Variants in PRR16 observed in about 807,000 individuals in gnomAD.
PRR16 encodes the protein proline rich 16.
In PRR16, 6 loss-of-function variants were observed where a neutral mutation model predicts 18.2. The observed-to-expected ratio is 0.33, with a 90% confidence interval of 0.18 to 0.65. PRR16 has a LOEUF of 0.65. Among genes scored for constraint, PRR16 ranks in the 30% least tolerant of loss-of-function variants. The pLI, the probability that PRR16 is intolerant of heterozygous loss-of-function variation, is 0.74. For missense variants in PRR16, 412 were observed against 376.6 expected, an observed-to-expected ratio of 1.09 and a Z score of -0.78; for synonymous variants, 151 against 147.8, an observed-to-expected ratio of 1.02 and a Z score of -0.16.
intron 1 of PRR16, among the ~76,000 whole-genome samples, chr5:120,541,303 G>T (rs1751906623): frequency 6.6e-6 from 1 of 152,060 alleles, no homozygotes; most frequent in South Asian, 2.1e-4. Context: ...ATGCCACCAT[G>T]CCCAGCTAAT....
rs771365914 is a variant in PRR16, at chr5:120,686,621, C to A, written c.827C>A (p.Pro276His). 1.2e-6 allele frequency: 2 copies of A among 1,611,270 alleles called. No individual in the cohort carries two copies. The highest frequency in any genetic ancestry group is 4.5e-5 in the East Asian group (2 of 44,860). ...GGAATAAGCCACAGTAACAGCTTCCCCCCTATCAGACCTGCAACTGTGCCT... is the reference window on the plus strand; with the variant it reads ...GGAATAAGCCACAGTAACAGCTTCCACCCTATCAGACCTGCAACTGTGCCT... Reference protein sequence around the residue: ...GMGISHSNSFPPIRPATVPPP... With the variant: ...GMGISHSNSFHPIRPATVPPP... Residue 276 changes from proline (P) to histidine (H), a missense_variant, in exon 2 of 2, where the codon CCC becomes CAC. Pro to His is a moderately conservative substitution (Grantham distance 77). Coordinates refer to ENST00000407149, the MANE Select transcript of PRR16 (RefSeq NM_001300783.2).
intron 1 of PRR16, among the ~76,000 whole-genome samples, chr5:120,679,421 C>A (rs1229829833): frequency 6.6e-6 from 1 of 152,032 alleles, no homozygotes; most frequent in African/African-American, 2.4e-5. Context: ...GTTACTATTT[C>A]TTTAGGTGCA....
chr5:120,765,118 A>ATAATTGTAAGAAGGAAGACAG, the PRR16 span, among the ~76,000 whole-genome samples: 20,818 of 151,980 alleles, frequency 0.14, 1,978 homozygotes, highest in African/African-American at 0.27. Context: ...ATAACACCAT[A>ATAATTGTAAGAAGGAAGACAG]AAAGAGAACA....
At chr5:120,651,155 G>T (rs572631996) in intron 1 of PRR16, among the ~76,000 whole-genome samples, 2 of 151,924 alleles carry the variant, frequency 1.3e-5, no homozygotes, top group East Asian at 1.9e-4. Context: ...CATATCCTTC[G>T]CCCACTTTTT....
chr5:120,634,600 G>A (rs1219298448), intron 1 of PRR16, among the ~76,000 whole-genome samples: 1 of 152,134 alleles, frequency 6.6e-6, no homozygotes, highest in Non-Finnish European at 1.5e-5. Flanking sequence ...CCAAGATCAT[G>A]CCACTGCACT....
At chr5:120,506,816 A>T (rs151322581) in intron 1 of PRR16, among the ~76,000 whole-genome samples, 11 of 152,190 alleles carry the variant, frequency 7.2e-5, no homozygotes, top group South Asian at 2.1e-4. Context: ...GGAGGAAAAG[A>T]CTAAAAAAAT....
intron 1 of PRR16, among the ~76,000 whole-genome samples, chr5:120,671,489 A>T (rs981559833): frequency 6.6e-6 from 1 of 152,138 alleles, no homozygotes; most frequent in Non-Finnish European, 1.5e-5. Flanking sequence ...CAGTGAAAAT[A>T]TATGCCTGAG....
At chr5:120,623,444 T>C (rs1477169812) in intron 1 of PRR16, among the ~76,000 whole-genome samples, 1 of 152,316 alleles carries the variant, frequency 6.6e-6, no homozygotes, top group Middle Eastern at 3.4e-3. Context: ...AATACCCGGC[T>C]TTGAAACCCA....
the PRR16 span, among the ~76,000 whole-genome samples, chr5:120,697,479 C>G: frequency 6.6e-6 from 1 of 152,228 alleles, no homozygotes; most frequent in African/African-American, 2.4e-5. Context: ...CACAAAGTTA[C>G]ATGAGTTTTC....
At chr5:120,472,708 G>C (rs1187985054) in intron 1 of PRR16, among the ~76,000 whole-genome samples, 1 of 152,096 alleles carries the variant, frequency 6.6e-6, no homozygotes, top group Admixed American at 6.5e-5. Flanking sequence ...GCTGTGGTTT[G>C]ATGTTTTTTA....
chr5:120,514,729 A>T (rs560076203), intron 1 of PRR16, among the ~76,000 whole-genome samples: 1 of 152,136 alleles, frequency 6.6e-6, no homozygotes, highest in African/African-American at 2.4e-5. Flanking sequence ...CCTCATCACA[A>T]TGTCCTTTTT....
At chr5:120,530,408 C>T (rs189286603) in intron 1 of PRR16, among the ~76,000 whole-genome samples, 11 of 150,812 alleles carry the variant, frequency 7.3e-5, no homozygotes, top group Admixed American at 6.0e-4. Flanking sequence ...TCTACTTGCC[C>T]GATCTCCTTT....
intron 1 of PRR16, among the ~76,000 whole-genome samples, chr5:120,611,485 G>C (rs912201993): frequency 6.6e-6 from 1 of 152,146 alleles, no homozygotes; most frequent in African/African-American, 2.4e-5. Context: ...CCCATGCTGT[G>C]TGCAGCCTAG....
the PRR16 span, among the ~76,000 whole-genome samples, chr5:120,775,745 C>G: frequency 6.6e-6 from 1 of 150,942 alleles, no homozygotes; most frequent in African/African-American, 2.4e-5. Context: ...ATTCTCCAGC[C>G]TCAGCCTCCC....
intron 1 of PRR16, among the ~76,000 whole-genome samples, chr5:120,555,779 A>G (rs537485903): frequency 3.3e-5 from 5 of 150,364 alleles, no homozygotes; most frequent in African/African-American, 9.7e-5. Flanking sequence ...TGTAGACACA[A>G]TCTTCTAAAT....
At chr5:120,542,058 C>T (rs970716494) in intron 1 of PRR16, among the ~76,000 whole-genome samples, 4 of 151,928 alleles carry the variant, frequency 2.6e-5, no homozygotes, top group South Asian at 2.1e-4. Context: ...CAAAGAACCT[C>T]GGAAAGGGAT....
the PRR16 span, among the ~76,000 whole-genome samples, chr5:120,742,963 C>T: frequency 6.6e-6 from 1 of 152,316 alleles, no homozygotes; most frequent in Middle Eastern, 3.4e-3. Flanking sequence ...CTTTTCCCTT[C>T]ATCTGACAGA....
At chr5:120,535,831 G>T (rs1470579741) in intron 1 of PRR16, among the ~76,000 whole-genome samples, 1 of 149,688 alleles carries the variant, frequency 6.7e-6, no homozygotes, top group Non-Finnish European at 1.5e-5. Flanking sequence ...GGCCAGGCAC[G>T]ATGGCTCACT....
chr5:120,543,322 C>T (rs539405624), intron 1 of PRR16, among the ~76,000 whole-genome samples: 2 of 152,138 alleles, frequency 1.3e-5, no homozygotes, highest in South Asian at 2.1e-4. Context: ...GTGAGCATAT[C>T]GTGGGGTTAT....
Sources: gnomAD v4.1 joint callset for allele counts (sites outside exome capture counted in the v4.1 genomes callset) on GRCh38, gnomAD v4.1.1 for gene constraint, MANE v1.5 for transcripts, NCBI Gene and HGNC (gene_info 2026-07-23, HGNC 2026-07-21) for gene names.